LRRC23: variants seen among roughly 807,000 people sequenced by gnomAD.
The protein encoded by LRRC23 is leucine-rich repeat-containing protein 23.
A neutral mutation model predicts 37.7 loss-of-function variants in LRRC23; 28 were observed. That is an observed-to-expected ratio of 0.74 (90% CI 0.55 to 1.02). LRRC23 has a LOEUF of 1.02. Ranked by LOEUF, LRRC23 falls within the 50% of genes least tolerant of loss-of-function variation. The pLI is 0.00. For missense variants in LRRC23, 377 were observed against 413.2 expected, an observed-to-expected ratio of 0.91 and a Z score of 0.76; for synonymous variants, 161 against 165.4, an observed-to-expected ratio of 0.97 and a Z score of 0.20.
In LRRC23 at chr12:6,906,533, G is replaced by C; in HGVS notation, c.361G>C (p.Asp121His). ...CACCCACCTGCTCTGGCTCAAGGCT[G>C]ATGGCAATCGGCTGCGAAGTGCCCA... ...YLTHLLWLKA[D>H]GNRLRSAQMN... Residue 121 changes from aspartate (D) to histidine (H), a missense_variant, in exon 4 of 8, where the codon GAT becomes CAT. Coordinates refer to ENST00000443597, the MANE Select transcript of LRRC23 (RefSeq NM_001135217.2). The C allele has an allele frequency of 1.2e-6, 2 of 1,614,220 alleles. No individual in the cohort carries two copies. The highest frequency in any genetic ancestry group is 1.7e-6 in the Non-Finnish European group (2 of 1,180,030).
At chr12:6,912,561 C>T (rs1259011165) in intron 6 of LRRC23, among the ~76,000 whole-genome samples, 169 bp from the exon 7 acceptor site, 7 of 152,102 alleles carry the variant, frequency 4.6e-5, no homozygotes, top group Middle Eastern at 3.2e-3. Flanking sequence ...AGGACCAGAG[C>T]GGGGTCACAC....
At position 6,914,136 on chromosome 12, in the gene LRRC23, A is replaced by C. The variant is rs710416; in HGVS notation, c.*270A>C. 455,019 of 1,455,652 alleles carry C rather than the reference A, an allele frequency of 0.31. 79,192 individuals are homozygous for C. Among genetic ancestry groups the C allele is most frequent in the African/African-American group, 0.73 (51,281 of 69,836 alleles). 90.2% of individuals were successfully genotyped at this position (1,455,652 alleles called of 1,614,324 possible). ...CGGGCAGGCGTGGGTGAGAGCCAAG[A>C]CCGCGTGGGCCGCGGGGTGCTGGTA... On this transcript the variant is annotated 3_prime_UTR_variant, in exon 8 of 8. Transcript: ENST00000443597. The surrounding 1 kb of genome is among the most constrained non-coding windows in gnomAD (Gnocchi z 7.1).
intron 5 of LRRC23, among the ~76,000 whole-genome samples, chr12:6,908,454 C>T (rs1480964907): frequency 6.6e-6 from 1 of 151,612 alleles, no homozygotes; most frequent in Admixed American, 6.6e-5. Context: ...AAAATTAGCC[C>T]AGTGTGCTGA....
In LRRC23 at chr12:6,913,991, G is replaced by A; in HGVS notation, c.*125G>A. 1 of 1,613,986 alleles carries A rather than the reference G, an allele frequency of 6.2e-7. No individual in the cohort carries two copies. Among genetic ancestry groups the A allele is most frequent in the Non-Finnish European group, 8.5e-7 (1 of 1,179,946 alleles). On this transcript the variant is annotated 3_prime_UTR_variant, in exon 8 of 8. Coordinates refer to ENST00000443597, the MANE Select transcript of LRRC23 (RefSeq NM_001135217.2). ...GATGCCTGTTTTTGCCCCAAAGCTG[G>A]AAATTCATCACAACCTGAGGCCCAG...
intron 6 of LRRC23, among the ~76,000 whole-genome samples, chr12:6,910,537 C>T (rs1234092659): frequency 6.6e-6 from 1 of 151,948 alleles, no homozygotes; most frequent in Admixed American, 6.6e-5. Context: ...GGCAAAATCC[C>T]ATCTCTACCA....
chr12:6,912,780 C>T lies in LRRC23; in HGVS notation c.809C>T (p.Pro270Leu), dbSNP rs1555140919. ...LGELAKLRDL[P>L]KLRALVLLDN... ...GAGCTGGCCAAGCTTCGAGACCTGCCCAAGCTGCGAGCGTTGGTGCTGCTT... is the reference window on the plus strand; with the variant it reads ...GAGCTGGCCAAGCTTCGAGACCTGCTCAAGCTGCGAGCGTTGGTGCTGCTT... Residue 270 changes from proline to leucine, a missense_variant, in exon 7 of 8, where the codon CCC becomes CTC. Physicochemically the swap from Pro to Leu is moderately conservative, Grantham distance 98 (BLOSUM62 -3). Transcript: ENST00000443597. 3.1e-6 allele frequency: 5 copies of T among 1,614,006 alleles called. No homozygotes were observed. Among genetic ancestry groups the T allele is most frequent in the Middle Eastern group, 3.3e-4 (2 of 6,084 alleles).
chr12:6,909,603 G>T (rs778437907), intron 5 of LRRC23, among the ~76,000 whole-genome samples: 1 of 144,808 alleles, frequency 6.9e-6, no homozygotes, highest in South Asian at 2.1e-4. Context: ...CCTCAGTGGT[G>T]GCCTGGGGGC....
intron 5 of LRRC23, 68 bp from the exon 6 acceptor site, chr12:6,909,822 A>G (rs2138159456): frequency 6.8e-7 from 1 of 1,478,786 alleles, no homozygotes; most frequent in Non-Finnish European, 9.2e-7. Context: ...GCTTTATCTC[A>G]TTCTGACTTC....
chr12:6,906,027 G>C, intron 3 of LRRC23, 73 bp downstream of exon 3: 2 of 1,316,096 alleles, frequency 1.5e-6, no homozygotes, highest in Non-Finnish European at 2.2e-6. Context: ...TGTCATTCCT[G>C]GGTGTTCTGG....
chr12:6,906,888 C>G (rs1944962780), intron 4 of LRRC23: 1 of 566,446 alleles, frequency 1.8e-6, no homozygotes, highest in Non-Finnish European at 3.1e-6. Flanking sequence ...TTGGGAGAGA[C>G]AAACAAGTAA....
At position 6,913,979 on chromosome 12, in the gene LRRC23, GC is replaced by G. The variant is rs1945255922; in HGVS notation, c.*117del. 7 of 1,613,550 alleles carry G rather than the reference GC, an allele frequency of 4.3e-6. No homozygotes were observed. Among genetic ancestry groups the G allele is most frequent in the Non-Finnish European group, 5.9e-6 (7 of 1,179,814 alleles). ...CAGAGAACAGAGGATGCCTGTTTTT[GC>G]CCCAAAGCTGGAAATTCATCACAAC... On this transcript the variant is annotated 3_prime_UTR_variant, in exon 8 of 8. Transcript: ENST00000443597.
rs975025787 is a variant in LRRC23, at chr12:6,905,085, C to T, written c.-50+10C>T. The T allele has an allele frequency of 1.3e-5, 2 of 158,322 alleles. No individual in the cohort carries two copies. Among genetic ancestry groups the T allele is most frequent in the Admixed American group, 6.0e-5 (1 of 16,610 alleles). The allele number at this position is 158,322 out of a possible 1,614,324, so 9.8% of individuals were successfully genotyped here. A position where few individuals can be genotyped will look rare whatever the true frequency, so the allele number is the denominator to read the frequency against. ...ATTGAGCAGAAACAGGGTCTGAGCC[C>T]CTTTGCTAAGGCGAATTGAGTGGGA... On this transcript the variant is annotated intron_variant, in intron 1 of 7. Transcript: ENST00000443597.
In LRRC23 at chr12:6,905,663, T is replaced by C. The variant is rs1944923271; in HGVS notation, c.30T>C (p.Ser10=). ...CAGATGAAGATGATCTAGAAGACTC[T>C]GAGCCAGACCAGGATGATTCTGAGA... MSDEDDLED[S]EPDQDDSEKE... The change falls in exon 2 of 8, where the codon TCT becomes TCC. Residue 10 remains serine (S), a synonymous_variant. Coordinates refer to ENST00000443597, the MANE Select transcript of LRRC23 (RefSeq NM_001135217.2). The C allele has an allele frequency of 6.2e-7, 1 of 1,613,644 alleles. No individual in the cohort carries two copies. The highest frequency in any genetic ancestry group is 8.5e-7 in the Non-Finnish European group (1 of 1,179,906).
chr12:6,906,575 T>A lies in LRRC23; in HGVS notation c.403T>A (p.Tyr135Asn). ...AAGTGCCCAGATGAATGAACTGCCC[T>A]ACCTGCAGATTGCTAGTTTTGCTTA... The part of the protein sequence containing the change: ...LRSAQMNELP[Y>N]LQIASFAYNQ... Residue 135 changes from tyrosine to asparagine, a missense_variant, in exon 4 of 8, where the codon TAC (tyrosine) becomes AAC (asparagine). Coordinates refer to ENST00000443597, the MANE Select transcript of LRRC23 (RefSeq NM_001135217.2). 1 of 1,614,234 alleles carries A rather than the reference T, an allele frequency of 6.2e-7. No homozygotes were observed. Among genetic ancestry groups the A allele is most frequent in the Non-Finnish European group, 8.5e-7 (1 of 1,180,038 alleles).
intron 5 of LRRC23, among the ~76,000 whole-genome samples, chr12:6,908,184 G>C (rs1275730476): frequency 1.3e-5 from 2 of 152,064 alleles, no homozygotes; most frequent in Admixed American, 1.3e-4. Context: ...AAGCTTTCAC[G>C]TGTTCAGCTA....
chr12:6,907,225 T>C, intron 4 of LRRC23, 90 bp from the exon 5 acceptor site: 1 of 1,495,004 alleles, frequency 6.7e-7, no homozygotes. Context: ...GCTTTGCGAA[T>C]GGTAGGATGA....
chr12:6,907,178 A>T, intron 4 of LRRC23, 137 bp from the exon 5 acceptor site: 1 of 969,214 alleles, frequency 1.0e-6, no homozygotes, highest in East Asian at 2.4e-5. Flanking sequence ...CTCCAGAGGT[A>T]TTAAGTCTGG....
At position 6,906,624 on chromosome 12, in the gene LRRC23, G is replaced by C. The variant is rs782539478; in HGVS notation, c.452G>C (p.Gly151Ala). 1 of 1,614,124 alleles carries C rather than the reference G, an allele frequency of 6.2e-7. No individual in the cohort carries two copies. Among genetic ancestry groups the C allele is most frequent in the East Asian group, 2.2e-5 (1 of 44,886 alleles). Residue 151 changes from glycine (G) to alanine (A), a missense_variant, in exon 4 of 8, where the codon GGC (glycine) becomes GCC (alanine). Physicochemically the swap from Gly to Ala is moderately conservative, Grantham distance 60 (BLOSUM62 0). This residue lies in a region of LRRC23 where 266 missense variants were observed against 285.6 expected (regional missense o/e 0.93). Coordinates refer to ENST00000443597, the MANE Select transcript of LRRC23 (RefSeq NM_001135217.2). ...FAYNQITDTE[G>A]ISHPRLETLN... Reference sequence around the variant, plus strand: ...TATAACCAGATTACTGACACTGAAGGCATCTCTCATCCTCGTCTTGAAACC... The same window carrying C: ...TATAACCAGATTACTGACACTGAAGCCATCTCTCATCCTCGTCTTGAAACC...
chr12:6,913,333 T>G, intron 7 of LRRC23: 1 of 350,226 alleles, frequency 2.9e-6, no homozygotes. Flanking sequence ...AAAGGACAGG[T>G]GTGGGTGCAT....
Sources: allele counts gnomAD v4.1 joint callset (sites outside exome capture counted in the v4.1 genomes callset), GRCh38; gene constraint gnomAD v4.1.1; regional missense constraint gnomAD v4.1.1; non-coding constraint Gnocchi (gnomAD v3.1); transcripts MANE v1.5; gene names NCBI Gene and HGNC (gene_info 2026-07-23, HGNC 2026-07-21).